HINT3: variants seen among roughly 807,000 people sequenced by gnomAD.
HINT3 encodes histidine triad nucleotide binding protein 3.
HINT3 carries 16 observed loss-of-function variants against 19.1 expected under a neutral mutation model. The ratio of observed to expected loss-of-function variants is 0.84; its 90% CI spans 0.57 to 1.27. The LOEUF (loss-of-function observed/expected upper bound fraction) is 1.27. Among genes scored for constraint, HINT3 ranks in the 50% most tolerant of loss-of-function variants. The pLI is 0.00. For synonymous variants in HINT3, 75 were observed against 84.8 expected (o/e 0.88, Z 0.63); for missense variants, 197 against 225.8 (o/e 0.87, Z 0.82).
chr6:125,960,643 C>A (rs183338219), intron 1 of HINT3, among the ~76,000 whole-genome samples: 148 of 126,420 alleles, frequency 1.2e-3, no homozygotes, highest in African/African-American at 4.0e-3. Flanking sequence ...GGTGACAGAG[C>A]AAGACTCTCT....
intron 2 of HINT3, among the ~76,000 whole-genome samples, chr6:125,971,963 G>A (rs956038119): frequency 4.6e-5 from 7 of 151,902 alleles, no homozygotes; most frequent in Admixed American, 2.0e-4. Flanking sequence ...CGCCTGCCTC[G>A]GCCTCCCAAA....
At chr6:125,957,410 A>G (rs1788856527) in intron 1 of HINT3, among the ~76,000 whole-genome samples, 1 of 152,222 alleles carries the variant, frequency 6.6e-6, no homozygotes, top group African/African-American at 2.4e-5. Context: ...GGGGACTGAC[A>G]GGCAGTGGCT....
intron 4 of HINT3, among the ~76,000 whole-genome samples, chr6:125,975,952 A>G (rs1175449592): frequency 1.3e-5 from 2 of 152,074 alleles, no homozygotes; most frequent in African/African-American, 4.8e-5. Flanking sequence ...CTGTTTATAC[A>G]CCTGTGGTCT....
At chr6:125,973,358 C>T (rs565955479) in intron 3 of HINT3, among the ~76,000 whole-genome samples, 4 of 152,110 alleles carry the variant, frequency 2.6e-5, no homozygotes, top group South Asian at 2.1e-4. Flanking sequence ...GGATTACAGG[C>T]GTGAGCCACT....
chr6:125,966,915 T>C lies in HINT3; in HGVS notation c.230T>C (p.Ile77Thr), dbSNP rs772622280. ...ENEDLICFKDIKPAATHHYLV... is the reference protein window; with the variant it reads ...ENEDLICFKDTKPAATHHYLV... ...GAGGACCTAATTTGCTTCAAAGATA[T>C]CAAACCAGCAGCAACTCATCATTAT... The change falls in exon 2 of 5, where the codon ATC (isoleucine) becomes ACC (threonine). Residue 77 changes from isoleucine (I) to threonine (T), a missense_variant. Ile to Thr is a moderately conservative substitution (Grantham distance 89, BLOSUM62 -1). Coordinates refer to ENST00000229633, the MANE Select transcript of HINT3 (RefSeq NM_138571.5). The C allele has an allele frequency of 6.8e-6, 11 of 1,612,466 alleles. No homozygotes were observed. The highest frequency in any genetic ancestry group is 2.2e-5 in the South Asian group (2 of 90,906).
intron 2 of HINT3, among the ~76,000 whole-genome samples, chr6:125,971,701 C>CTTT (rs1202459509): frequency 3.1e-5 from 2 of 63,558 alleles, no homozygotes; most frequent in African/African-American, 5.1e-5. Flanking sequence ...TGCCTGGCTA[C>CTTT]CTTTTTTTTT....
At chr6:125,964,597 A>T (rs143067201) in intron 1 of HINT3, among the ~76,000 whole-genome samples, 2 of 152,062 alleles carry the variant, frequency 1.3e-5, no homozygotes, top group African/African-American at 4.8e-5. Flanking sequence ...GATCTTCCTC[A>T]TTCCTTTTTA....
chr6:125,978,826 T>A lies in HINT3; in HGVS notation c.*1150T>A, dbSNP rs1789210664. The A allele has an allele frequency of 2.3e-5, 2 of 86,982 alleles. No homozygotes were observed. Among genetic ancestry groups the A allele is most frequent in the African/African-American group, 1.1e-4 (2 of 18,770 alleles). 5.4% of individuals were successfully genotyped at this position (86,982 alleles called of 1,614,324 possible). ...AATTACTTATTACAAAGTTACAACA[T>A]GTGGAATCAATAGTTTTATTTGTTC... On this transcript the variant is annotated 3_prime_UTR_variant, in exon 5 of 5. Transcript: ENST00000229633.
intron 1 of HINT3, among the ~76,000 whole-genome samples, chr6:125,965,284 A>G (rs1452214541): frequency 3.3e-5 from 5 of 152,206 alleles, no homozygotes; most frequent in Admixed American, 3.3e-4. Flanking sequence ...GCTGTGAGGT[A>G]GAGTACAGCT....
chr6:125,967,457 A>C (rs1583590000), intron 2 of HINT3, among the ~76,000 whole-genome samples: 1 of 149,624 alleles, frequency 6.7e-6, no homozygotes. Flanking sequence ...TCAGCCTTCC[A>C]AGTAGCTGGG....
At chr6:125,971,198 ATGGAATT>A (rs1340784485) in intron 2 of HINT3, among the ~76,000 whole-genome samples, 1 of 152,212 alleles carries the variant, frequency 6.6e-6, no homozygotes, top group Non-Finnish European at 1.5e-5. Flanking sequence ...GATAAAGGAG[ATGGAATT>A]TGGAAGCCAG....
At chr6:125,968,359 C>A (rs1789047241) in intron 2 of HINT3, among the ~76,000 whole-genome samples, 1 of 152,186 alleles carries the variant, frequency 6.6e-6, no homozygotes, top group Non-Finnish European at 1.5e-5. Context: ...TTTTTTATAG[C>A]TGCATAGTAT....
intron 1 of HINT3, among the ~76,000 whole-genome samples, chr6:125,958,165 A>G (rs1365438173): frequency 6.6e-6 from 1 of 152,136 alleles, no homozygotes. Context: ...GTAGGAGTTG[A>G]TCAGATGAGG....
At chr6:125,974,625 TTCCTTGA>T (rs1351549088) in intron 3 of HINT3, among the ~76,000 whole-genome samples, 2 of 152,210 alleles carry the variant, frequency 1.3e-5, no homozygotes, top group African/African-American at 2.4e-5. Flanking sequence ...TGTTAAGGCC[TTCCTTGA>T]TGATGAGCTT....
chr6:125,971,688 C>G (rs192696061), intron 2 of HINT3, among the ~76,000 whole-genome samples: 230 of 146,526 alleles, frequency 1.6e-3, no homozygotes, highest in Middle Eastern at 7.3e-3. Context: ...GTGTGCACCA[C>G]CATGCCTGGC....
intron 1 of HINT3, among the ~76,000 whole-genome samples, chr6:125,964,425 CT>C (rs1204331750): frequency 2.0e-5 from 3 of 152,030 alleles, no homozygotes; most frequent in Non-Finnish European, 4.4e-5. Flanking sequence ...CTTTTAAAAA[CT>C]TTTTTGTTTA....
Position 125,956,789 on chromosome 6 carries a change from T to G in HINT3, c.-189T>G. On this transcript the variant is annotated 5_prime_UTR_variant, in exon 1 of 5. Transcript: ENST00000229633. The stretch of plus-strand genomic sequence containing the variant: ...CGCGCCCTCTAGTGGCAGCCGGTTT[T>G]GAGGCCGGCCTCCGGCTTTGAAGTT... The G allele has an allele frequency of 1.5e-6, 1 of 661,776 alleles. No homozygotes were observed. Among genetic ancestry groups the G allele is most frequent in the East Asian group, 2.8e-5 (1 of 36,154 alleles). 41.0% of individuals were successfully genotyped at this position (661,776 alleles called of 1,614,324 possible). A position where few individuals can be genotyped will look rare whatever the true frequency, so the allele number is the denominator to read the frequency against.
chr6:125,969,198 G>A (rs1397865142), intron 2 of HINT3, among the ~76,000 whole-genome samples: 1 of 152,036 alleles, frequency 6.6e-6, no homozygotes, highest in Non-Finnish European at 1.5e-5. Flanking sequence ...GAAAGGTAGG[G>A]GTCCAGTTTT....
intron 3 of HINT3, among the ~76,000 whole-genome samples, chr6:125,972,919 A>G: frequency 6.6e-6 from 1 of 152,074 alleles, no homozygotes; most frequent in Non-Finnish European, 1.5e-5. Context: ...CAATATGGGC[A>G]TTCCTATAAA....
Sources: allele counts gnomAD v4.1 joint callset (sites outside exome capture counted in the v4.1 genomes callset), GRCh38; gene constraint gnomAD v4.1.1; transcripts MANE v1.5; gene names NCBI Gene and HGNC (gene_info 2026-07-23, HGNC 2026-07-21).